The following BICC1 variants were observed in gnomAD, a reference collection of about 807,000 sequenced individuals.
BICC1 encodes protein bicaudal C homolog 1.
BICC1 carries 43 observed loss-of-function variants against 111.0 expected under a neutral mutation model. The ratio of observed to expected loss-of-function variants is 0.39; its 90% confidence interval spans 0.30 to 0.50. The LOEUF is 0.50. Ranked by LOEUF, BICC1 falls within the 20% of genes least tolerant of loss-of-function variation. The pLI is 0.88. For missense variants in BICC1, 1,091 were observed against 1,203.2 expected, an observed-to-expected ratio of 0.91 and a Z score of 1.38; for synonymous variants, 467 against 434.4, an observed-to-expected ratio of 1.07 and a Z score of -0.93.
In BICC1 at chr10:58,830,505, A is replaced by T. The variant is rs1040469732; in HGVS notation, c.*1614A>T. 6.6e-5 allele frequency: 10 copies of T among 152,306 alleles called. No homozygotes were observed. Among genetic ancestry groups the T allele is most frequent in the African/African-American group, 2.4e-4 (10 of 41,594 alleles). The allele number at this position is 152,306 out of a possible 1,614,324, so 9.4% of individuals were successfully genotyped here. ...GCATATACAAGAATTGGGTACTTTTATACAAATATGGGATAAGAAATACTT... is the reference window on the plus strand; with the variant it reads ...GCATATACAAGAATTGGGTACTTTTTTACAAATATGGGATAAGAAATACTT... On this transcript the variant is annotated 3_prime_UTR_variant, in exon 21 of 21. Coordinates refer to ENST00000373886, the MANE Select transcript of BICC1 (RefSeq NM_001080512.3).
chr10:58,565,559 C>A (rs964572780), intron 1 of BICC1, among the ~76,000 whole-genome samples: 2 of 152,178 alleles, frequency 1.3e-5, no homozygotes, highest in Non-Finnish European at 2.9e-5. Context: ...CTTGCCCCCC[C>A]GATGTATGCC....
At chr10:58,525,688 T>TTTAA (rs1842516952) in intron 1 of BICC1, among the ~76,000 whole-genome samples, 1 of 118,608 alleles carries the variant, frequency 8.4e-6, no homozygotes, top group Admixed American at 1.1e-4. Flanking sequence ...GTTGTGTACA[T>TTTAA]GTACCCTAAA....
chr10:58,638,654 G>A (rs1426099928), intron 2 of BICC1, among the ~76,000 whole-genome samples: 2 of 152,114 alleles, frequency 1.3e-5, no homozygotes, highest in Non-Finnish European at 2.9e-5. Flanking sequence ...AGGGGGTGAT[G>A]AGAAAGGATG....
chr10:58,817,270 C>T lies in BICC1; in HGVS notation c.2534-292C>T, dbSNP rs780256948. Among the ~76,000 whole-genome samples the T allele has an allele frequency of 2.6e-5, 4 of 152,252 alleles. No homozygotes were observed. The East Asian group carries it at 5.8e-4, about 22-fold the overall frequency. ...AATCAATTTTAAACAACAAATGCTT[C>T]TGACTACTCAGGGAGAATATGATGA... On this transcript the variant is annotated intron_variant, in intron 18 of 20. Coordinates refer to ENST00000373886, the MANE Select transcript of BICC1 (RefSeq NM_001080512.3).
intron 1 of BICC1, among the ~76,000 whole-genome samples, chr10:58,556,895 G>A (rs1843463702): frequency 6.6e-6 from 1 of 151,884 alleles, no homozygotes; most frequent in South Asian, 2.1e-4. Context: ...ATCTTTTTAA[G>A]TGGTTTCTTC....
chr10:58,672,023 C>G (rs562242463), intron 2 of BICC1, among the ~76,000 whole-genome samples: 57 of 152,272 alleles, frequency 3.7e-4, no homozygotes, highest in African/African-American at 1.4e-3. Context: ...CTAGCATTTC[C>G]TGTTCTGTGC....
Position 58,614,895 on chromosome 10 carries a change from T to G in BICC1, c.191-5960T>G, listed in dbSNP as rs555287867. Among the ~76,000 whole-genome samples the G allele has an allele frequency of 2.0e-5, 3 of 152,322 alleles. No homozygotes were observed. The East Asian group carries it at 5.8e-4, about 29-fold the overall frequency. On this transcript the variant is annotated intron_variant, in intron 1 of 20. Transcript: ENST00000373886. ...ACTTTGCTTGATAGACCTTTGAAAA[T>G]ATATTTGATTCTAAAAATTTCTTCT...
At chr10:58,791,415 C>T (rs1010324422) in intron 8 of BICC1, among the ~76,000 whole-genome samples, 3 of 152,140 alleles carry the variant, frequency 2.0e-5, no homozygotes, top group African/African-American at 7.2e-5. Flanking sequence ...TAAATACCAT[C>T]ACCATTTTGT....
At chr10:58,640,108 C>CT (rs904945762) in intron 2 of BICC1, among the ~76,000 whole-genome samples, 2 of 151,722 alleles carry the variant, frequency 1.3e-5, no homozygotes, top group South Asian at 2.1e-4. Context: ...ACTTTTTATT[C>CT]TTTTTTTTCT....
At chr10:58,554,470 T>C (rs1409934846) in intron 1 of BICC1, among the ~76,000 whole-genome samples, 14 of 152,200 alleles carry the variant, frequency 9.2e-5, no homozygotes, top group Admixed American at 9.2e-4. Flanking sequence ...TTAAACATGT[T>C]AGCCATTATA....
At chr10:58,738,557 A>C (rs1020460176) in intron 3 of BICC1, among the ~76,000 whole-genome samples, 6 of 151,894 alleles carry the variant, frequency 4.0e-5, no homozygotes, top group African/African-American at 1.2e-4. Flanking sequence ...CTTAGGATTG[A>C]CTTGGCAATG....
At chr10:58,702,242 C>T in intron 3 of BICC1, 99 bp downstream of exon 3, 1 of 826,330 alleles carries the variant, frequency 1.2e-6, no homozygotes, top group South Asian at 1.8e-5. Flanking sequence ...ATTCTTAACA[C>T]TTTTGTCCCA....
chr10:58,772,146 A>C (rs1194250548), intron 3 of BICC1, among the ~76,000 whole-genome samples: 1 of 152,226 alleles, frequency 6.6e-6, no homozygotes, highest in Non-Finnish European at 1.5e-5. Flanking sequence ...TTCAAGTTCC[A>C]TTCCAGGTCT....
At chr10:58,821,152 A>G (rs1409891275) in intron 20 of BICC1, among the ~76,000 whole-genome samples, 1 of 152,276 alleles carries the variant, frequency 6.6e-6, no homozygotes, top group Admixed American at 6.5e-5. Context: ...GCAAATACAT[A>G]GTAATGAACC....
At chr10:58,814,319 T>C in intron 18 of BICC1, 1 of 589,200 alleles carries the variant, frequency 1.7e-6, no homozygotes, top group Non-Finnish European at 3.0e-6. Flanking sequence ...AGTGTCCATG[T>C]GTCAAGTATT....
At chr10:58,698,639 T>C (rs1352903098) in intron 2 of BICC1, among the ~76,000 whole-genome samples, 1 of 152,158 alleles carries the variant, frequency 6.6e-6, no homozygotes, top group Non-Finnish European at 1.5e-5. Flanking sequence ...GTAGGAATTA[T>C]CTTGTTTGCT....
intron 1 of BICC1, among the ~76,000 whole-genome samples, chr10:58,543,568 G>T (rs954074952): frequency 2.0e-5 from 3 of 152,028 alleles, no homozygotes; most frequent in African/African-American, 7.2e-5. Flanking sequence ...AGAGTGCAGT[G>T]GTGTGATCAT....
intron 18 of BICC1, 85 bp downstream of exon 18, chr10:58,814,071 T>C: frequency 6.8e-7 from 1 of 1,465,704 alleles, no homozygotes; most frequent in Non-Finnish European, 9.6e-7. Context: ...GACTGTGGCC[T>C]CTCTGACTTC....
chr10:58,630,682 A>G (rs914794382), intron 2 of BICC1, among the ~76,000 whole-genome samples: 1 of 152,286 alleles, frequency 6.6e-6, no homozygotes, highest in African/African-American at 2.4e-5. Flanking sequence ...CATGAATTCA[A>G]CTGTGATGCA....
Sources: allele counts gnomAD v4.1 joint callset (sites outside exome capture counted in the v4.1 genomes callset), GRCh38; gene constraint gnomAD v4.1.1; transcripts MANE v1.5; gene names NCBI Gene and HGNC (gene_info 2026-07-23, HGNC 2026-07-21).